The following MID1 variants were observed in gnomAD, a reference collection of about 807,000 sequenced individuals.
MID1 encodes the protein E3 ubiquitin-protein ligase Midline-1.
Under a neutral mutation model 40.4 loss-of-function variants are expected in MID1, and 7 were observed. The ratio of observed to expected loss-of-function variants is 0.17; its 90% CI spans 0.10 to 0.33. The LOEUF (loss-of-function observed/expected upper bound fraction) is 0.33. Ranked by LOEUF, MID1 falls within the 10% of genes least tolerant of loss-of-function variation. MID1 has a pLI of 1.00. For missense variants in MID1, 367 were observed against 558.5 expected, an observed-to-expected ratio of 0.66 and a Z score of 3.46; for synonymous variants, 229 against 221.2, an observed-to-expected ratio of 1.04 and a Z score of -0.31.
chrX:10,775,039 G>C (rs909774392), intron 1 of MID1, among the ~76,000 whole-genome samples: 2 of 106,605 alleles, frequency 1.9e-5, no homozygotes, highest in South Asian at 4.4e-4. Context: ...GGGTTTTTTG[G>C]AGATCCTGAA....
chrX:10,696,908 C>T (rs1452831667), intron 1 of MID1, among the ~76,000 whole-genome samples: 1 of 112,012 alleles, frequency 8.9e-6, no homozygotes, highest in Non-Finnish European at 1.9e-5. Context: ...GGCTAATGAT[C>T]ACCTTGTTTG....
chrX:10,535,366 C>T (rs1435557055), intron 2 of MID1, among the ~76,000 whole-genome samples: 1 of 111,671 alleles, frequency 9.0e-6, no homozygotes, highest in African/African-American at 3.3e-5. Flanking sequence ...AGGATTTATT[C>T]AGAATAAAAA....
intron 1 of MID1, among the ~76,000 whole-genome samples, chrX:10,658,690 A>G (rs1226765708): frequency 2.7e-5 from 3 of 110,162 alleles, no homozygotes; most frequent in African/African-American, 9.9e-5. Flanking sequence ...TCAGGAAATC[A>G]TTTTAGAGGA....
At chrX:10,734,544 T>C (rs1163548412) in intron 1 of MID1, among the ~76,000 whole-genome samples, 1 of 96,911 alleles carries the variant, frequency 1.0e-5, no homozygotes, top group African/African-American at 3.9e-5. Context: ...GAATCTAAAA[T>C]AAAAGTTAAA....
At chrX:10,765,922 A>AGAAAG (rs1206063913) in intron 1 of MID1, among the ~76,000 whole-genome samples, 9 of 97,885 alleles carry the variant, frequency 9.2e-5, no homozygotes, top group African/African-American at 2.6e-4. Context: ...AAAGAAAGAA[A>AGAAAG]GAAAGGAAAG....
chrX:10,701,490 G>C (rs1406942533), intron 1 of MID1, among the ~76,000 whole-genome samples: 1 of 111,761 alleles, frequency 8.9e-6, no homozygotes, highest in Non-Finnish European at 1.9e-5. Context: ...TGGTAAATGA[G>C]AAACGGAGCA....
At position 10,754,603 on chromosome X, in the gene MID1, C is replaced by G. The variant is rs192153007; in HGVS notation, c.-187+78951G>C. Among the ~76,000 whole-genome samples, 216 of 111,040 alleles carry G rather than the reference C, an allele frequency of 1.9e-3. 2 individuals are homozygous for G. The highest frequency in any genetic ancestry group is 6.8e-3 in the African/African-American group (207 of 30,482). The stretch of plus-strand genomic sequence containing the variant: ...TTCCCAAACAGAGAGAGACTGAGAT[C>G]AATTAAGCCTTCCCTCCTGCTTTAT... On this transcript the variant is annotated intron_variant, in intron 1 of 10. Transcript: ENST00000380785.
At chrX:10,524,000 T>C (rs1932781964) in intron 2 of MID1, among the ~76,000 whole-genome samples, 1 of 111,891 alleles carries the variant, frequency 8.9e-6, no homozygotes, top group African/African-American at 3.3e-5. Flanking sequence ...GCATCCATGA[T>C]TTTAGTATCT....
chrX:10,507,419 C>G (rs1931898015), intron 3 of MID1, among the ~76,000 whole-genome samples: 1 of 112,243 alleles, frequency 8.9e-6, no homozygotes, highest in Admixed American at 9.5e-5. Context: ...TAAAGGCAGG[C>G]CTCATTGGCA....
chrX:10,452,637 G>A (rs1208479757), intron 9 of MID1, among the ~76,000 whole-genome samples: 1 of 112,127 alleles, frequency 8.9e-6, no homozygotes, highest in Non-Finnish European at 1.9e-5. Context: ...ATCGTAGGGG[G>A]TGCCCCTTCC....
At chrX:10,636,416 C>T (rs373409246) in intron 1 of MID1, among the ~76,000 whole-genome samples, 1 of 110,710 alleles carries the variant, frequency 9.0e-6, no homozygotes, top group African/African-American at 3.3e-5. Flanking sequence ...TCATCTTCTC[C>T]AAACAGCAGA....
At position 10,717,371 on chromosome X, in the gene MID1, A is replaced by C. The variant is rs1434381886; in HGVS notation, c.-186-96952T>G. On this transcript the variant is annotated intron_variant, in intron 1 of 10. Transcript: ENST00000380785. ...GAAGATCTACCAAGCAAATGGAAAA[A>C]AAAAAAAAGGCAGGGGTTGCAATCC... Among the ~76,000 whole-genome samples the C allele has an allele frequency of 7.3e-5, 8 of 109,743 alleles. No homozygotes were observed. The East Asian group carries it at 1.4e-3, about 20-fold the overall frequency.
intron 1 of MID1, among the ~76,000 whole-genome samples, chrX:10,723,282 C>G (rs1382358547): frequency 3.6e-5 from 4 of 111,738 alleles, no homozygotes; most frequent in Non-Finnish European, 5.6e-5. Context: ...TTTCCAGGGC[C>G]GACTTTGCCT....
In MID1 at chrX:10,478,843, T is replaced by C. The variant is rs1602278076; in HGVS notation, c.1013+3637A>G. Among the ~76,000 whole-genome samples the C allele has an allele frequency of 4.5e-5, 5 of 112,156 alleles. No individual in the cohort carries two copies. The South Asian group carries it at 1.9e-3, about 42-fold the overall frequency. On this transcript the variant is annotated intron_variant, in intron 5 of 9. Transcript: ENST00000317552. Reference sequence around the variant, plus strand: ...TCTCACTTCAAGAATGCCTGCGGGATTAAAAGTTTGTTCTGGGCTCCACAC... The same window carrying C: ...TCTCACTTCAAGAATGCCTGCGGGACTAAAAGTTTGTTCTGGGCTCCACAC...
chrX:10,721,445 A>T (rs1408398929), intron 1 of MID1, among the ~76,000 whole-genome samples: 1 of 110,914 alleles, frequency 9.0e-6, no homozygotes, highest in East Asian at 2.8e-4. Flanking sequence ...AGAGGTTTGG[A>T]TGTTGCAAAC....
chrX:10,700,285 C>T (rs1025160903), intron 1 of MID1, among the ~76,000 whole-genome samples: 2 of 111,645 alleles, frequency 1.8e-5, no homozygotes, highest in African/African-American at 3.3e-5. Flanking sequence ...GGCATGATGC[C>T]TCATGCCTGT....
At chrX:10,742,681 C>A (rs1460117369) in intron 1 of MID1, among the ~76,000 whole-genome samples, 1 of 112,548 alleles carries the variant, frequency 8.9e-6, no homozygotes, top group Non-Finnish European at 1.9e-5. Context: ...GACTTATTTT[C>A]TTCACAAGTC....
intron 1 of MID1, among the ~76,000 whole-genome samples, chrX:10,614,298 G>A (rs749508179): frequency 1.2e-4 from 13 of 111,741 alleles, no homozygotes; most frequent in Non-Finnish European, 2.3e-4. Flanking sequence ...GGGGGCCTGT[G>A]GCTCCCTGGC....
At chrX:10,501,305 A>G in intron 3 of MID1, 1 of 814,482 alleles carries the variant, frequency 1.2e-6, no homozygotes, top group Non-Finnish European at 1.7e-6. Context: ...TCTCACCTCA[A>G]GTACACTCAT....
Sources: gnomAD v4.1 joint callset for allele counts (sites outside exome capture counted in the v4.1 genomes callset) on GRCh38, gnomAD v4.1.1 for gene constraint, MANE v1.5 for transcripts, NCBI Gene and HGNC (gene_info 2026-07-23, HGNC 2026-07-21) for gene names.